MAP2K4: variants seen among roughly 807,000 people sequenced by gnomAD.
MAP2K4 encodes dual specificity mitogen-activated protein kinase kinase 4.
In MAP2K4, 4 loss-of-function variants were observed where a neutral mutation model predicts 48.5. The ratio of observed to expected loss-of-function variants is 0.08; its 90% CI spans 0.04 to 0.19. The LOEUF is 0.19. Among genes scored for constraint, MAP2K4 ranks in the 10% least tolerant of loss-of-function variants. The pLI is 1.00. For missense variants in MAP2K4, 258 were observed against 493.3 expected, an observed-to-expected ratio of 0.52 and a Z score of 4.52; for synonymous variants, 166 against 173.1, an observed-to-expected ratio of 0.96 and a Z score of 0.32.
intron 1 of MAP2K4, among the ~76,000 whole-genome samples, chr17:12,045,930 A>G (rs955646780): frequency 7.9e-5 from 12 of 152,242 alleles, no homozygotes; most frequent in African/African-American, 2.4e-4. Context: ...GGATTTAAAA[A>G]TGGTCTGAGC....
intron 2 of MAP2K4, among the ~76,000 whole-genome samples, chr17:12,074,938 TTCTG>T (rs1339776665): frequency 1.3e-5 from 2 of 152,212 alleles, no homozygotes; most frequent in East Asian, 1.9e-4. Context: ...TGCCTATATA[TTCTG>T]TCTGTTTTTT....
intron 1 of MAP2K4, among the ~76,000 whole-genome samples, chr17:12,024,078 G>A (rs1969180247): frequency 1.3e-5 from 2 of 152,174 alleles, no homozygotes; most frequent in East Asian, 1.9e-4. Flanking sequence ...CTAACCTGTT[G>A]ATTTCCCCAC....
At chr17:12,104,380 A>G (rs545093542) in intron 4 of MAP2K4, among the ~76,000 whole-genome samples, 15 of 152,270 alleles carry the variant, frequency 9.9e-5, no homozygotes, top group African/African-American at 3.4e-4. Flanking sequence ...TACAGAGGAA[A>G]GGGGGAATGG....
chr17:12,138,262 A>G (rs1182835695), intron 9 of MAP2K4, among the ~76,000 whole-genome samples: 1 of 150,662 alleles, frequency 6.6e-6, no homozygotes, highest in African/African-American at 2.4e-5. Context: ...TGTACAGTCA[A>G]AAATCCGCAT....
chr17:12,035,031 A>G (rs1969550452), intron 1 of MAP2K4, among the ~76,000 whole-genome samples: 1 of 152,196 alleles, frequency 6.6e-6, no homozygotes, highest in Non-Finnish European at 1.5e-5. Flanking sequence ...TTATTTTTGT[A>G]CTATCAGTAC....
intron 3 of MAP2K4, among the ~76,000 whole-genome samples, chr17:12,085,646 G>A (rs746367232): frequency 1.2e-4 from 18 of 151,944 alleles, no homozygotes; most frequent in Non-Finnish European, 2.4e-4. Context: ...TTTGATTCCT[G>A]CAATCCTGCC....
Position 12,081,795 on chromosome 17 carries a change from C to G in MAP2K4, c.393+265C>G. 4.1e-6 allele frequency: 2 copies of G among 486,414 alleles called. No homozygotes were observed. Among genetic ancestry groups the G allele is most frequent in the Non-Finnish European group, 4.0e-6 (1 of 249,052 alleles). 30.1% of individuals were successfully genotyped at this position (486,414 alleles called of 1,614,324 possible). ...ATTAACATGTTTTAAACTTCAGGCC[C>G]TTCTACTGCCAAGGTGAGTTCAGGC... is the stretch of plus-strand genomic sequence containing the variant. On this transcript the variant is annotated intron_variant, in intron 3 of 10. Transcript: ENST00000353533. This position sits in a 1 kb window ranked among gnomAD's most constrained non-coding sequence, Gnocchi z 4.2.
intron 4 of MAP2K4, among the ~76,000 whole-genome samples, chr17:12,098,496 T>C (rs940260452): frequency 6.6e-6 from 1 of 150,416 alleles, no homozygotes; most frequent in East Asian, 2.0e-4. Flanking sequence ...AAAAAAAGTA[T>C]GTGTGTATGT....
intron 6 of MAP2K4, among the ~76,000 whole-genome samples, chr17:12,111,227 T>A (rs1235504081): frequency 6.6e-6 from 1 of 152,204 alleles, no homozygotes; most frequent in African/African-American, 2.4e-5. Context: ...GAAAAATTTC[T>A]AATTCTGGGA....
At chr17:12,074,513 G>A (rs1467853311) in intron 2 of MAP2K4, among the ~76,000 whole-genome samples, 1 of 152,182 alleles carries the variant, frequency 6.6e-6, no homozygotes, top group East Asian at 1.9e-4. Flanking sequence ...TTTCCAATCA[G>A]GAAGCTTTCC....
rs1385170434 is a variant in MAP2K4, at chr17:12,095,556, T to C, written c.394-19T>C. On this transcript the variant is annotated intron_variant, in intron 3 of 10. Transcript: ENST00000353533. ...AAAATTATTGTGTTTTTTTGACATC[T>C]TTTGTCATTCTTTTCCAGAGAATTC... 2 of 1,613,236 alleles carry C rather than the reference T, an allele frequency of 1.2e-6. No individual in the cohort carries two copies. The highest frequency in any genetic ancestry group is 2.7e-5 in the African/African-American group (2 of 74,910).
intron 1 of MAP2K4, among the ~76,000 whole-genome samples, chr17:12,023,213 A>C (rs935638472): frequency 6.6e-6 from 1 of 152,190 alleles, no homozygotes; most frequent in African/African-American, 2.4e-5. Context: ...TGATATTCTC[A>C]GGATGTTGTC....
intron 3 of MAP2K4, among the ~76,000 whole-genome samples, chr17:12,085,108 A>G (rs921904757): frequency 6.6e-6 from 1 of 152,188 alleles, no homozygotes; most frequent in Non-Finnish European, 1.5e-5. Context: ...TAGCAGACTC[A>G]TGTCCAGATT....
chr17:12,089,390 G>T (rs567683627), intron 3 of MAP2K4, among the ~76,000 whole-genome samples: 1 of 152,288 alleles, frequency 6.6e-6, no homozygotes, highest in South Asian at 2.1e-4. Context: ...TGGAAATGAT[G>T]CTTTGCCTTG....
intron 1 of MAP2K4, among the ~76,000 whole-genome samples, chr17:12,049,666 G>A (rs908669298): frequency 9.2e-5 from 14 of 152,280 alleles, no homozygotes; most frequent in Admixed American, 5.2e-4. Flanking sequence ...GGGCAAAAGT[G>A]GAAGCTGCAA....
At chr17:12,139,799 G>T (rs759603525) in intron 9 of MAP2K4, 40 bp from the exon 10 acceptor site, 6 of 1,376,932 alleles carry the variant, frequency 4.4e-6, no homozygotes, top group Non-Finnish European at 6.1e-6. Flanking sequence ...TTAGGCAAAT[G>T]AATCTACATT....
At chr17:12,092,093 A>T (rs1310170246) in intron 3 of MAP2K4, among the ~76,000 whole-genome samples, 1 of 152,104 alleles carries the variant, frequency 6.6e-6, no homozygotes, top group Non-Finnish European at 1.5e-5. Context: ...AATGTTCTTG[A>T]GTTGATTTTC....
chr17:12,107,730 A>T, intron 4 of MAP2K4, 60 bp from the exon 5 acceptor site: 1 of 1,382,810 alleles, frequency 7.2e-7, no homozygotes, highest in Non-Finnish European at 9.9e-7. Flanking sequence ...TTTCCATTTT[A>T]AGTAAAGGCA....
intron 1 of MAP2K4, among the ~76,000 whole-genome samples, chr17:12,045,475 G>A (rs575965623): frequency 2.0e-4 from 30 of 152,266 alleles, no homozygotes; most frequent in Admixed American, 1.4e-3. Context: ...AAGCCACTCC[G>A]TGGGCTCTGG....
Sources: allele counts gnomAD v4.1 joint callset (sites outside exome capture counted in the v4.1 genomes callset), GRCh38; gene constraint gnomAD v4.1.1; non-coding constraint Gnocchi (gnomAD v3.1); transcripts MANE v1.5; gene names NCBI Gene and HGNC (gene_info 2026-07-23, HGNC 2026-07-21).